The following GRAMD4 variants were observed in gnomAD, a reference collection of about 807,000 sequenced individuals.
The protein encoded by GRAMD4 is GRAM domain containing 4, also known as GRAM domain-containing protein 4.
Under a neutral mutation model 83.9 loss-of-function variants are expected in GRAMD4, and 25 were observed. The ratio of observed to expected loss-of-function variants is 0.30; its 90% CI spans 0.22 to 0.42. The LOEUF (loss-of-function observed/expected upper bound fraction) is 0.42. Among genes scored for constraint, GRAMD4 ranks in the 10% least tolerant of loss-of-function variants. The probability of loss-of-function intolerance (pLI) is 1.00; values close to 1 mark genes in which losing one functional copy is unlikely to be tolerated. For missense variants in GRAMD4, 593 were observed against 788.7 expected, an observed-to-expected ratio of 0.75 and a Z score of 2.97; for synonymous variants, 336 against 320.9, an observed-to-expected ratio of 1.05 and a Z score of -0.50.
chr22:46,593,874 C>CCACCA (rs1312423870), intron 1 of GRAMD4, among the ~76,000 whole-genome samples: 11 of 151,952 alleles, frequency 7.2e-5, no homozygotes, highest in African/African-American at 2.7e-4. Flanking sequence ...CAGGCGTGCA[C>CCACCA]CACCACCCTG....
At chr22:46,628,474 CGGGTGG>C (rs1158746600) in intron 2 of GRAMD4, among the ~76,000 whole-genome samples, 17 of 97,064 alleles carry the variant, frequency 1.8e-4, no homozygotes, top group Admixed American at 4.6e-4. Context: ...GTCTGAGGGG[CGGGTGG>C]ACTGAGTGCG....
chr22:46,622,783 G>A lies in GRAMD4; in HGVS notation c.-50+2218G>A, dbSNP rs2081595083. Among the ~76,000 whole-genome samples, 4 of 152,052 alleles carry A rather than the reference G, an allele frequency of 2.6e-5. No individual in the cohort carries two copies. Among genetic ancestry groups the A allele is most frequent in the South Asian group, 2.1e-4 (1 of 4,814 alleles). On this transcript the variant is annotated intron_variant, in intron 1 of 18. Coordinates refer to ENST00000406902, the MANE Select transcript of GRAMD4 (RefSeq NM_015124.5). The surrounding 1 kb of genome is among the most constrained non-coding windows in gnomAD (Gnocchi z 4.0). ...AAAAAATTAGCTGGTGTGGTGGCGG[G>A]TGCCTGTAGTCCCAGCTACTCGGGA...
chr22:46,599,041 AG>A (rs2081287746), intron 1 of GRAMD4, among the ~76,000 whole-genome samples: 1 of 152,220 alleles, frequency 6.6e-6, no homozygotes, highest in African/African-American at 2.4e-5. Flanking sequence ...TGGGGGTCCC[AG>A]GGAACTGTGT....
At position 46,602,762 on chromosome 22, in the gene GRAMD4, C is replaced by CTTTTTTTTT. The variant is rs534249203; in HGVS notation, c.-49-23981_-49-23973dup. On this transcript the variant is annotated intron_variant, in intron 1 of 1. Transcript: ENST00000431155. The stretch of plus-strand genomic sequence containing the variant: ...TCCTTTATCTTTTGTCCATTTTTCT[C>CTTTTTTTTT]TTTTTTTTTTTTTTTTGAGGCAGAG... Among the ~76,000 whole-genome samples the CTTTTTTTTT allele has an allele frequency of 6.6e-5, 8 of 121,434 alleles. 1 individual carries two copies. Among genetic ancestry groups the CTTTTTTTTT allele is most frequent in the Admixed American group, 9.4e-5 (1 of 10,642 alleles). 79.7% of individuals were successfully genotyped at this position (121,434 alleles called of 152,430 possible).
intron 14 of GRAMD4, 72 bp downstream of exon 14, chr22:46,673,069 T>G (rs551092488): frequency 8.0e-7 from 1 of 1,249,100 alleles, no homozygotes; most frequent in Admixed American, 2.5e-5. Context: ...AGGCCCACAG[T>G]GCTCTGTTCA....
intron 3 of GRAMD4, among the ~76,000 whole-genome samples, chr22:46,643,176 C>CCTGG (rs2082010643): frequency 1.4e-5 from 2 of 140,338 alleles, no homozygotes; most frequent in Non-Finnish European, 3.1e-5. Context: ...TCCATCCATC[C>CCTGG]ATCCATCCAT....
chr22:46,619,361 C>T (rs1360951474), upstream of GRAMD4, among the ~76,000 whole-genome samples: 1 of 152,116 alleles, frequency 6.6e-6, no homozygotes, highest in Non-Finnish European at 1.5e-5. Context: ...TTCTTAGAGA[C>T]AAGGTCTGGC....
At chr22:46,665,746 C>CCATACATGCGGTGGG in intron 9 of GRAMD4, 40 bp downstream of exon 9, 1 of 1,048,568 alleles carries the variant, frequency 9.5e-7, no homozygotes, top group Non-Finnish European at 1.5e-6. Flanking sequence ...TATCCCACCG[C>CCATACATGCGGTGGG]ATGTATGGCT....
At chr22:46,663,747 C>T in intron 6 of GRAMD4, 91 bp from the exon 7 acceptor site, 3 of 1,274,538 alleles carry the variant, frequency 2.4e-6, no homozygotes, top group Non-Finnish European at 3.4e-6. Context: ...TCCTCCCTGG[C>T]CCCTGCAGAG....
chr22:46,608,229 T>C (rs934493656), intron 1 of GRAMD4, among the ~76,000 whole-genome samples: 2 of 152,184 alleles, frequency 1.3e-5, no homozygotes, highest in African/African-American at 2.4e-5. Flanking sequence ...AGCCGAAACA[T>C]GTGCTTCTCT....
At chr22:46,638,649 C>T (rs952404127) in intron 3 of GRAMD4, among the ~76,000 whole-genome samples, 5 of 152,236 alleles carry the variant, frequency 3.3e-5, no homozygotes, top group Non-Finnish European at 5.9e-5. Context: ...TAAGAGGCCA[C>T]TTACCAGTAA....
chr22:46,587,779 T>C (rs1257124246), intron 1 of GRAMD4: 1 of 380,956 alleles, frequency 2.6e-6, no homozygotes, highest in African/African-American at 2.2e-5. Context: ...TGGTCGTTGC[T>C]GGCCCCTGGA....
At chr22:46,657,651 C>T (rs1486162073) in intron 3 of GRAMD4, among the ~76,000 whole-genome samples, 1 of 152,236 alleles carries the variant, frequency 6.6e-6, no homozygotes, top group African/African-American at 2.4e-5. Context: ...CCGAGGCTTT[C>T]CCAGAGCAGC....
chr22:46,608,401 G>C (rs1361114169), intron 1 of GRAMD4, among the ~76,000 whole-genome samples: 1 of 152,172 alleles, frequency 6.6e-6, no homozygotes, highest in African/African-American at 2.4e-5. Context: ...ATTTTGGGCC[G>C]GGCATGGTGG....
intron 1 of GRAMD4, among the ~76,000 whole-genome samples, chr22:46,582,730 G>A (rs2081110192): frequency 6.6e-6 from 1 of 152,146 alleles, no homozygotes; most frequent in Non-Finnish European, 1.5e-5. Flanking sequence ...AGGTGTGTTT[G>A]TCAGCGTCTT....
chr22:46,634,580 G>A (rs2081829960), intron 2 of GRAMD4, among the ~76,000 whole-genome samples: 1 of 152,188 alleles, frequency 6.6e-6, no homozygotes. Context: ...CAAGGCACTT[G>A]GGGGCAAGTG....
At chr22:46,577,242 G>C (rs939048428) in exon 1 of GRAMD4, 20 of 976,412 alleles carry the variant, frequency 2.0e-5, no homozygotes, top group African/African-American at 1.8e-4. Context: ...GGCCGGCGAG[G>C]GGGGCGCCGC....
At chr22:46,658,376 C>CCCCCCCCAGG in intron 4 of GRAMD4, 69 bp downstream of exon 4, 1 of 1,420,778 alleles carries the variant, frequency 7.0e-7, no homozygotes, top group Non-Finnish European at 9.5e-7. Flanking sequence ...CCCGCCCCGC[C>CCCCCCCCAGG]GTCCTCTGCT....
chr22:46,619,940 C>T (rs576589581), upstream of GRAMD4, among the ~76,000 whole-genome samples: 1 of 152,244 alleles, frequency 6.6e-6, no homozygotes, highest in South Asian at 2.1e-4. Context: ...TGCTGTTTAT[C>T]CCAGGATCAG....
Sources: gnomAD v4.1 joint callset for allele counts (sites outside exome capture counted in the v4.1 genomes callset) on GRCh38, gnomAD v4.1.1 for gene constraint, Gnocchi (gnomAD v3.1) non-coding constraint, MANE v1.5 for transcripts, NCBI Gene and HGNC (gene_info 2026-07-23, HGNC 2026-07-21) for gene names.